The following CNIH3 variants were observed in gnomAD, a reference collection of about 807,000 sequenced individuals.
CNIH3 encodes the protein cornichon family AMPA receptor auxiliary protein 3, also known as protein cornichon homolog 3.
CNIH3 carries 14 observed loss-of-function variants against 24.1 expected under a neutral mutation model. The ratio of observed to expected loss-of-function variants is 0.58; its 90% CI spans 0.38 to 0.91. The LOEUF (loss-of-function observed/expected upper bound fraction) is 0.91. Ranked by LOEUF, CNIH3 falls within the 40% of genes least tolerant of loss-of-function variation. The pLI, the probability that CNIH3 is intolerant of heterozygous loss-of-function variation, is 0.00. For synonymous variants in CNIH3, 68 were observed against 73.8 expected, an observed-to-expected ratio of 0.92 and a Z score of 0.40; for missense variants, 178 against 196.8, an observed-to-expected ratio of 0.90 and a Z score of 0.57.
intron 1 of CNIH3, among the ~76,000 whole-genome samples, chr1:224,664,470 AT>A (rs1332180496): frequency 2.0e-5 from 3 of 152,068 alleles, no homozygotes; most frequent in African/African-American, 7.2e-5. Context: ...TCCATCAAAT[AT>A]TTTTGCTGGG....
chr1:224,591,936 A>G (rs765954769), downstream of CNIH3, among the ~76,000 whole-genome samples: 1 of 152,274 alleles, frequency 6.6e-6, no homozygotes, highest in Non-Finnish European at 1.5e-5. Flanking sequence ...GTCTGATACC[A>G]GGAAGCAATC....
At chr1:224,618,851 A>G (rs1443111874) in intron 1 of CNIH3, among the ~76,000 whole-genome samples, 2 of 152,208 alleles carry the variant, frequency 1.3e-5, no homozygotes, top group East Asian at 1.9e-4. Flanking sequence ...GGTCTAATCT[A>G]TAGTAGAAAA....
chr1:224,434,860 C>T (rs1341210581), exon 1 of CNIH3: 2 of 985,244 alleles, frequency 2.0e-6, no homozygotes, highest in Non-Finnish European at 2.4e-6. Flanking sequence ...CTTCCGGTGG[C>T]AGGTATGGAA....
At position 224,739,523 on chromosome 1, in the gene CNIH3, C is replaced by T. The variant is rs936531212; in HGVS notation, c.*167C>T. 2.3e-5 allele frequency: 29 copies of T among 1,265,138 alleles called. No homozygotes were observed. The highest frequency in any genetic ancestry group is 6.0e-5 in the African/African-American group (4 of 66,394). 78.4% of individuals were successfully genotyped at this position (1,265,138 alleles called of 1,614,324 possible). A position where few individuals can be genotyped will look rare whatever the true frequency, so the allele number is the denominator to read the frequency against. On this transcript the variant is annotated 3_prime_UTR_variant, in exon 6 of 6. Transcript: ENST00000272133. ...CTGGAATCACGCAGCAGCTGGGAGCCGAGTTAACCCTGCGTGTCTGTGTCA... is the reference window on the plus strand; with the variant it reads ...CTGGAATCACGCAGCAGCTGGGAGCTGAGTTAACCCTGCGTGTCTGTGTCA...
intron 1 of CNIH3, among the ~76,000 whole-genome samples, chr1:224,670,372 G>A (rs571063109): frequency 3.9e-5 from 6 of 152,178 alleles, no homozygotes; most frequent in African/African-American, 9.7e-5. Flanking sequence ...CCTGACCAGC[G>A]GCTCTCCTCC....
Position 224,648,294 on chromosome 1 carries a change from C to T in CNIH3, c.81+31039C>T, listed in dbSNP as rs561992256. Among the ~76,000 whole-genome samples, 82 of 151,780 alleles carry T rather than the reference C, an allele frequency of 5.4e-4. 3 individuals are homozygous for T. In the South Asian group the frequency reaches 0.017, roughly 31 times the overall value. On this transcript the variant is annotated intron_variant, in intron 1 of 5. Coordinates refer to ENST00000272133, the MANE Select transcript of CNIH3 (RefSeq NM_152495.2). ...GGTGTGGTGGCGGGTACCTGTAATCCCAGCTACTAGGGACGCTGAGGCAGG... is the reference window on the plus strand; with the variant it reads ...GGTGTGGTGGCGGGTACCTGTAATCTCAGCTACTAGGGACGCTGAGGCAGG...
intron 4 of CNIH3, chr1:224,574,612 G>A (rs1210385485): frequency 2.4e-5 from 20 of 835,948 alleles, no homozygotes; most frequent in South Asian, 2.7e-5. Context: ...GTGGCCATTC[G>A]GGAGAAGCTC....
intron 1 of CNIH3, among the ~76,000 whole-genome samples, chr1:224,632,167 C>T (rs922002323): frequency 5.9e-5 from 9 of 152,152 alleles, no homozygotes; most frequent in African/African-American, 1.7e-4. Context: ...AACCCACTCT[C>T]GAATGGGGCG....
intron 1 of CNIH3, among the ~76,000 whole-genome samples, chr1:224,452,008 G>A (rs1220270971): frequency 6.6e-6 from 1 of 152,110 alleles, no homozygotes; most frequent in African/African-American, 2.4e-5. Context: ...GAGTCGCCAC[G>A]CTTTCCTATT....
intron 1 of CNIH3, among the ~76,000 whole-genome samples, chr1:224,494,317 T>C (rs1271382341): frequency 1.3e-5 from 2 of 152,192 alleles, no homozygotes; most frequent in African/African-American, 4.8e-5. Context: ...CTAATTCTGC[T>C]CACATCTTTC....
At chr1:224,676,788 A>G (rs1450064065) in intron 1 of CNIH3, among the ~76,000 whole-genome samples, 7 of 152,230 alleles carry the variant, frequency 4.6e-5, no homozygotes, top group Non-Finnish European at 1.0e-4. Context: ...GCAAAGGATG[A>G]TACTACACAG....
intron 1 of CNIH3, among the ~76,000 whole-genome samples, chr1:224,477,255 CAAAAGTTCACGATGTGAGT>C (rs1676625115): frequency 6.6e-6 from 1 of 151,090 alleles, no homozygotes; most frequent in African/African-American, 2.5e-5. Context: ...GTTCTTGGAG[CAAAAGTTCACGATGTGAGT>C]CTCCACATGC....
chr1:224,585,483 T>TA (rs1318145957), intron 5 of CNIH3, among the ~76,000 whole-genome samples: 2 of 151,750 alleles, frequency 1.3e-5, no homozygotes, highest in African/African-American at 2.4e-5. Flanking sequence ...TATTCTTTTT[T>TA]TTTTTTTATT....
intron 5 of CNIH3, among the ~76,000 whole-genome samples, chr1:224,736,563 G>C (rs1689601750): frequency 6.6e-6 from 1 of 152,234 alleles, no homozygotes; most frequent in South Asian, 2.1e-4. Context: ...TTCCAGGGCT[G>C]GGCTCTGCGT....
chr1:224,565,823 G>T (rs959968144), intron 3 of CNIH3: 2 of 152,188 alleles, frequency 1.3e-5, no homozygotes, highest in Non-Finnish European at 2.9e-5. Flanking sequence ...TCTCCATGAG[G>T]TAGGGAATTA....
At chr1:224,725,593 T>C (rs1688980944) in intron 3 of CNIH3, among the ~76,000 whole-genome samples, 1 of 152,194 alleles carries the variant, frequency 6.6e-6, no homozygotes, top group Non-Finnish European at 1.5e-5. Context: ...AGCTTCCCTG[T>C]GGCTTCCATA....
At chr1:224,730,425 C>A in intron 3 of CNIH3, 37 bp from the exon 4 acceptor site, 1 of 1,379,740 alleles carries the variant, frequency 7.2e-7, no homozygotes, top group South Asian at 1.2e-5. Flanking sequence ...GCGTTTTCCT[C>A]CTCTAACTCA....
In CNIH3 at chr1:224,434,863, G is replaced by A. The variant is rs1007081549; in HGVS notation, n.203+1G>A. The A allele has an allele frequency of 7.1e-6, 7 of 985,480 alleles. No individual in the cohort carries two copies. In the African/African-American group the frequency reaches 1.2e-4, roughly 17 times the overall value. 61.0% of individuals were successfully genotyped at this position (985,480 alleles called of 1,614,324 possible). A position where few individuals can be genotyped will look rare whatever the true frequency, so the allele number is the denominator to read the frequency against. Reference sequence around the variant, plus strand: ...CCTCCTCACTCACTTCCGGTGGCAGGTATGGAACCTATAGGGGGCCTGTCA... The same window carrying A: ...CCTCCTCACTCACTTCCGGTGGCAGATATGGAACCTATAGGGGGCCTGTCA... On this transcript the variant is annotated splice_donor_variant and non_coding_transcript_variant, in intron 1 of 5. Transcript: ENST00000471578.
intron 1 of CNIH3, among the ~76,000 whole-genome samples, chr1:224,646,042 C>G (rs752993180): frequency 1.6e-4 from 24 of 152,176 alleles, no homozygotes; most frequent in Non-Finnish European, 3.2e-4. Context: ...ACCCATTGAT[C>G]AGTCACAGCA....
Sources: allele counts gnomAD v4.1 joint callset (sites outside exome capture counted in the v4.1 genomes callset), GRCh38; gene constraint gnomAD v4.1.1; transcripts MANE v1.5; gene names NCBI Gene and HGNC (gene_info 2026-07-23, HGNC 2026-07-21).